The following PRR14L variants were observed in gnomAD, a reference collection of about 807,000 sequenced individuals.
PRR14L encodes protein PRR14L.
In PRR14L, 80 loss-of-function variants were observed where a neutral mutation model predicts 155.0. The observed-to-expected ratio is 0.52, with a 90% confidence interval of 0.43 to 0.62. PRR14L has a LOEUF of 0.62. Among genes scored for constraint, PRR14L ranks in the 20% least tolerant of loss-of-function variants. PRR14L has a pLI of 0.00. For missense variants in PRR14L, 2,469 were observed against 2,548.0 expected, an observed-to-expected ratio of 0.97 and a Z score of 0.67; for synonymous variants, 883 against 916.0, an observed-to-expected ratio of 0.96 and a Z score of 0.65.
At position 31,714,840 on chromosome 22, in the gene PRR14L, G is replaced by C; in HGVS notation, c.2999C>G (p.Thr1000Ser). 1.3e-6 allele frequency: 2 copies of C among 1,552,016 alleles called. No homozygotes were observed. The highest frequency in any genetic ancestry group is 8.7e-7 in the Non-Finnish European group (1 of 1,147,056). The stretch of plus-strand genomic sequence containing the variant: ...TACCTCCCCGTGAGGCTCGGTGACA[G>C]TCTCTCTCTGGTCACTACTTAGCAT... ...KEMLSSDQRE[T>S]VTEPHGEVNH... Residue 1000 changes from threonine to serine, a missense_variant, in exon 4 of 9, where the codon ACT (threonine) becomes AGT (serine). Physicochemically the swap from Thr to Ser is moderately conservative, Grantham distance 58. Transcript: ENST00000327423.
intron 3 of PRR14L, 111 bp downstream of exon 3, chr22:31,725,427 C>T: frequency 1.4e-6 from 1 of 714,574 alleles, no homozygotes. Flanking sequence ...TTAAGTACAC[C>T]TTACAAGGCA....
In PRR14L at chr22:31,715,785, T is replaced by A; in HGVS notation, c.2054A>T (p.Asp685Val). 6.4e-7 allele frequency: 1 copy of A among 1,551,834 alleles called. No homozygotes were observed. Among genetic ancestry groups the A allele is most frequent in the Non-Finnish European group, 8.7e-7 (1 of 1,146,970 alleles). ...NKEMPLATGR[D>V]AHQSHHPPLE... ...TGGAGGGTGATGGCTCTGATGGGCATCTCTGCCTGTTGCTAAAGGCATCTC... is the reference window on the plus strand; with the variant it reads ...TGGAGGGTGATGGCTCTGATGGGCAACTCTGCCTGTTGCTAAAGGCATCTC... Residue 685 changes from aspartate (D) to valine (V), a missense_variant, in exon 4 of 9, where the codon GAT becomes GTT. Coordinates refer to ENST00000327423, the MANE Select transcript of PRR14L (RefSeq NM_173566.3).
At position 31,682,917 on chromosome 22, in the gene PRR14L, T is replaced by C. The variant is rs1185138530; in HGVS notation, c.*2610A>G. 4 of 152,340 alleles carry C rather than the reference T, an allele frequency of 2.6e-5. No homozygotes were observed. The highest frequency in any genetic ancestry group is 9.6e-5 in the African/African-American group (4 of 41,580). The allele number at this position is 152,340 out of a possible 1,614,324, so 9.4% of individuals were successfully genotyped here. ...CCTGACAACACTGCAGCTGGCTCAG[T>C]GCCGAAACTGAATGTTAAGACAGGT... is the stretch of plus-strand genomic sequence containing the variant. On this transcript the variant is annotated 3_prime_UTR_variant, in exon 9 of 9. Transcript: ENST00000327423.
intron 4 of PRR14L, among the ~76,000 whole-genome samples, chr22:31,708,744 A>G (rs1409594103): frequency 6.6e-6 from 1 of 152,144 alleles, no homozygotes; most frequent in African/African-American, 2.4e-5. Flanking sequence ...CTTGTGCCTC[A>G]GCCTCTGAGT....
At chr22:31,721,763 C>T (rs967360882) in intron 3 of PRR14L, among the ~76,000 whole-genome samples, 1 of 152,128 alleles carries the variant, frequency 6.6e-6, no homozygotes, top group Non-Finnish European at 1.5e-5. Flanking sequence ...ACAAGTTGAT[C>T]TTTTCAAATT....
In PRR14L at chr22:31,716,883, T is replaced by C. The variant is rs1404448644; in HGVS notation, c.956A>G (p.His319Arg). ...ATGTGTAGAACTGGGTTGTTCATTA[T>C]GGTGGCCATGAAGCTGTTGGTGATT... ...DDNHQQLHGH[H>R]NEQPSSTHDS... is the part of the protein sequence containing the mutation. The change falls in exon 4 of 9, where the codon CAT becomes CGT. Residue 319 changes from histidine to arginine, a missense_variant. His to Arg is a conservative substitution (Grantham distance 29, BLOSUM62 0). Around this residue, in one of 2 missense-constraint regions of PRR14L, gnomAD observed 2,363 missense variants for 2,371.6 expected, o/e 1.00. Transcript: ENST00000327423. 3 of 1,551,844 alleles carry C rather than the reference T, an allele frequency of 1.9e-6. No homozygotes were observed. Among genetic ancestry groups the C allele is most frequent in the Non-Finnish European group, 2.6e-6 (3 of 1,147,032 alleles).
chr22:31,712,558 T>C lies in PRR14L; in HGVS notation c.5281A>G (p.Lys1761Glu), dbSNP rs1424907039. The C allele has an allele frequency of 1.9e-6, 3 of 1,551,696 alleles. No individual in the cohort carries two copies. The highest frequency in any genetic ancestry group is 1.2e-5 in the South Asian group (1 of 84,058). Reference sequence around the variant, plus strand: ...GACAAGAAGAAAGAAAAGGTCCACTTGGGAGGTTGAGACGGGCACTGGAGG... The same window carrying C: ...GACAAGAAGAAAGAAAAGGTCCACTCGGGAGGTTGAGACGGGCACTGGAGG... Reference protein sequence around the residue: ...EALQCPSQPPKWTFSFFLSHG... With the variant: ...EALQCPSQPPEWTFSFFLSHG... Residue 1761 changes from lysine to glutamate, a missense_variant, in exon 4 of 9, where the codon AAG becomes GAG. Physicochemically the swap from Lys to Glu is moderately conservative, Grantham distance 56. Transcript: ENST00000327423.
chr22:31,717,146 G>T lies in PRR14L; in HGVS notation c.693C>A (p.Phe231Leu). 1 of 1,552,236 alleles carries T rather than the reference G, an allele frequency of 6.4e-7. No homozygotes were observed. The highest frequency in any genetic ancestry group is 8.7e-7 in the Non-Finnish European group (1 of 1,147,128). Reference protein sequence around the residue: ...SKDLSAGCGEFQEVDKIMTSD... With the variant: ...SKDLSAGCGELQEVDKIMTSD... ...TGGTCATGATTTTGTCTACTTCTTG[G>T]AATTCACCGCATCCAGCTGAGAGAT... is the stretch of plus-strand genomic sequence containing the variant. Residue 231 changes from phenylalanine to leucine, a missense_variant, in exon 4 of 9, where the codon TTC becomes TTA. Coordinates refer to ENST00000327423, the MANE Select transcript of PRR14L (RefSeq NM_173566.3).
chr22:31,745,802 G>A (rs2074834212), intron 1 of PRR14L, among the ~76,000 whole-genome samples: 1 of 149,886 alleles, frequency 6.7e-6, no homozygotes, highest in Admixed American at 6.7e-5. Flanking sequence ...AGCAGAGATC[G>A]CGCCATTGCA....
At chr22:31,709,203 A>G (rs1485225116) in intron 4 of PRR14L, among the ~76,000 whole-genome samples, 1 of 151,812 alleles carries the variant, frequency 6.6e-6, no homozygotes, top group Non-Finnish European at 1.5e-5. Flanking sequence ...TTGGCCTCCC[A>G]AAGTGCTGGG....
intron 2 of PRR14L, among the ~76,000 whole-genome samples, chr22:31,733,070 C>A (rs2074758854): frequency 6.6e-6 from 1 of 151,054 alleles, no homozygotes; most frequent in Admixed American, 6.6e-5. Context: ...CTCACTACAA[C>A]CCTTTCTTCT....
At chr22:31,706,312 G>A (rs1428491482) in intron 4 of PRR14L, among the ~76,000 whole-genome samples, 2 of 137,240 alleles carry the variant, frequency 1.5e-5, no homozygotes, top group Non-Finnish European at 3.1e-5. Context: ...GCAGTGAGCC[G>A]AGATCACACC....
chr22:31,716,297 GGAGGAA>G lies in PRR14L; in HGVS notation c.1536_1541del (p.Ser513_Ser514del). ...GTCCTGCCTCTTCAATCTGCATCAA[GGAGGAA>G]AAACTGCTTTCTTCAGAGTGTCCAC... On this transcript the variant is annotated inframe_deletion, in exon 4 of 9. Transcript: ENST00000327423. The G allele has an allele frequency of 6.4e-7, 1 of 1,551,656 alleles. No homozygotes were observed. Among genetic ancestry groups the G allele is most frequent in the Non-Finnish European group, 8.7e-7 (1 of 1,146,974 alleles).
chr22:31,716,638 G>A lies in PRR14L; in HGVS notation c.1201C>T (p.Arg401Trp), dbSNP rs554522843. ...NLASREENEERLLIPRSERGG... is the reference protein window; with the variant it reads ...NLASREENEEWLLIPRSERGG... ...CTTTCACTCCTAGGAATCAAAAGCC[G>A]TTCCTCATTTTCTTCTCTAGAAGCC... is the stretch of plus-strand genomic sequence containing the variant. The change falls in exon 4 of 9, where the codon CGG becomes TGG. Residue 401 changes from arginine (R) to tryptophan (W), a missense_variant. By Grantham distance (101) the Arg-to-Trp change is moderately radical (BLOSUM62 -3). This residue lies in a region of PRR14L where 2,363 missense variants were observed against 2,371.6 expected (regional missense o/e 1.00). Transcript: ENST00000327423. 1.4e-4 allele frequency: 218 copies of A among 1,551,920 alleles called. 1 individual carries two copies. Among genetic ancestry groups the A allele is most frequent in the African/African-American group, 2.5e-4 (18 of 73,144 alleles).
In PRR14L at chr22:31,716,857, CAT is replaced by C; in HGVS notation, c.980_981del (p.His327ArgfsTer2). On this transcript the variant is annotated frameshift_variant, in exon 4 of 9. Coordinates refer to ENST00000327423, the MANE Select transcript of PRR14L (RefSeq NM_173566.3). LOFTEE classifies it high-confidence loss of function. The part of the protein sequence containing the change: ...GHHNEQPSST[H>X]DSPTATSPLK... ...AAAGGGCTTGTGGCTGTGGGACTAT[CAT>C]GTGTAGAACTGGGTTGTTCATTATG... is the stretch of plus-strand genomic sequence containing the variant. The C allele has an allele frequency of 6.4e-7, 1 of 1,551,880 alleles. No homozygotes were observed. Among genetic ancestry groups the C allele is most frequent in the Non-Finnish European group, 8.7e-7 (1 of 1,147,008 alleles).
In PRR14L at chr22:31,714,791, C is replaced by T. The variant is rs2074645584; in HGVS notation, c.3048G>A (p.Leu1016=). ...GEVNHNQKDL[L]VSSGSNNSLP... is the part of the protein sequence containing the mutation. ...GTGAGTTATTACTGCCTGAGCTGAC[C>T]AGCAGATCCTTTTGGTTGTGGTTTA... The change falls in exon 4 of 9, where the codon CTG becomes CTA. Residue 1016 remains leucine, a synonymous_variant. Coordinates refer to ENST00000327423, the MANE Select transcript of PRR14L (RefSeq NM_173566.3). 3 of 1,552,146 alleles carry T rather than the reference C, an allele frequency of 1.9e-6. No individual in the cohort carries two copies. The highest frequency in any genetic ancestry group is 2.4e-5 in the East Asian group (1 of 40,940).
At chr22:31,734,767 T>C (rs76897681) in intron 2 of PRR14L, among the ~76,000 whole-genome samples, 5,160 of 152,308 alleles carry the variant, frequency 0.034, 109 homozygotes, top group South Asian at 0.064. Flanking sequence ...TATCCATGAA[T>C]GCATTCCTGG....
At chr22:31,725,238 CA>C (rs912861887) in intron 3 of PRR14L, among the ~76,000 whole-genome samples, 4 of 151,254 alleles carry the variant, frequency 2.6e-5, no homozygotes, top group African/African-American at 9.7e-5. Context: ...CTACAAAATA[CA>C]AAAAAAAATT....
At chr22:31,722,617 G>C (rs1465374184) in intron 3 of PRR14L, among the ~76,000 whole-genome samples, 1 of 151,310 alleles carries the variant, frequency 6.6e-6, no homozygotes, top group African/African-American at 2.4e-5. Flanking sequence ...CCACCTCCGG[G>C]GTTCACACCA....
Sources: allele counts gnomAD v4.1 joint callset (sites outside exome capture counted in the v4.1 genomes callset), GRCh38; gene constraint gnomAD v4.1.1; regional missense constraint gnomAD v4.1.1; transcripts MANE v1.5; gene names NCBI Gene and HGNC (gene_info 2026-07-23, HGNC 2026-07-21).